Variants in MIA2 observed in about 807,000 individuals in gnomAD.
MIA2 encodes the protein MIA SH3 domain ER export factor 2.
MIA2 carries 127 observed loss-of-function variants against 167.8 expected under a neutral mutation model. The observed-to-expected ratio is 0.76, with a 90% CI of 0.66 to 0.88. The LOEUF is 0.88. Among genes scored for constraint, MIA2 ranks in the 40% least tolerant of loss-of-function variants. The pLI is 0.00. For synonymous variants in MIA2, 552 were observed against 541.9 expected (o/e 1.02, Z -0.26); for missense variants, 1,690 against 1,624.7 (o/e 1.04, Z -0.69).
intron 6 of MIA2, among the ~76,000 whole-genome samples, chr14:39,262,205 A>G (rs2055154893): frequency 6.6e-6 from 1 of 152,200 alleles, no homozygotes; most frequent in African/African-American, 2.4e-5. Flanking sequence ...AGCTTTCTAC[A>G]TATGGCTAGC....
intron 23 of MIA2, chr14:39,370,415 C>T (rs1180052283): frequency 4.2e-6 from 1 of 239,230 alleles, no homozygotes; most frequent in African/African-American, 2.3e-5. Context: ...GTTACAGCCC[C>T]TGACAAACTC....
At chr14:39,347,586 A>G (rs960855147) in intron 26 of MIA2, 127 bp from the exon 27 acceptor site, 2 of 847,422 alleles carry the variant, frequency 2.4e-6, no homozygotes, top group Admixed American at 4.5e-5. Context: ...GCAATATAGG[A>G]TATTGGTGTC....
chr14:39,291,002 A>G lies in MIA2; in HGVS notation c.2131-17A>G. On this transcript the variant is annotated splice_polypyrimidine_tract_variant and intron_variant, in intron 9 of 28. Transcript: ENST00000640607. Reference sequence around the variant, plus strand: ...ACAATTGGTAGAGTTTTTACTTGTGATGTTGCTTTGTTTCAGTATGAAGGC... The same window carrying G: ...ACAATTGGTAGAGTTTTTACTTGTGGTGTTGCTTTGTTTCAGTATGAAGGC... 1 of 1,594,540 alleles carries G rather than the reference A, an allele frequency of 6.3e-7. No individual in the cohort carries two copies. Among genetic ancestry groups the G allele is most frequent in the Non-Finnish European group, 8.5e-7 (1 of 1,170,250 alleles).
At chr14:39,314,651 T>A (rs2065006136) in intron 19 of MIA2, 88 bp from the exon 20 acceptor site, 2 of 619,960 alleles carry the variant, frequency 3.2e-6, no homozygotes, top group Non-Finnish European at 2.4e-6. Flanking sequence ...GCATTCTGGG[T>A]TTTCTAATAA....
chr14:39,283,272 A>G (rs1014433792), intron 9 of MIA2, among the ~76,000 whole-genome samples: 1 of 152,188 alleles, frequency 6.6e-6, no homozygotes, highest in African/African-American at 2.4e-5. Context: ...GGTTTGCTGG[A>G]TATAGTAGCT....
intron 9 of MIA2, among the ~76,000 whole-genome samples, chr14:39,281,281 T>A (rs1423140733): frequency 1.3e-5 from 2 of 151,790 alleles, no homozygotes; most frequent in Admixed American, 6.6e-5. Context: ...GTTTTTGCCC[T>A]TTTTTGTTCT....
chr14:39,326,734 C>T (rs887690191), intron 24 of MIA2, 130 bp from the exon 25 acceptor site: 2 of 677,240 alleles, frequency 3.0e-6, no homozygotes, highest in Admixed American at 4.2e-5. Flanking sequence ...TAGCAATTTA[C>T]TTTCTACACT....
At chr14:39,258,372 G>A (rs984276095) in intron 6 of MIA2, among the ~76,000 whole-genome samples, 11 of 152,066 alleles carry the variant, frequency 7.2e-5, no homozygotes, top group Non-Finnish European at 1.6e-4. Flanking sequence ...CCTCTTGATT[G>A]ATTTAGCTAT....
intron 1 of MIA2, among the ~76,000 whole-genome samples, chr14:39,236,172 G>A (rs1425336010): frequency 6.6e-6 from 1 of 152,080 alleles, no homozygotes; most frequent in Non-Finnish European, 1.5e-5. Flanking sequence ...GACAAGACAG[G>A]TTAAAATGAA....
exon 24 of MIA2, chr14:39,387,083 A>G: frequency 1.6e-6 from 1 of 618,744 alleles, no homozygotes; most frequent in Non-Finnish European, 2.8e-6. Context: ...CCTTGGCCTA[A>G]CTGTCTCGGA....
intron 25 of MIA2, among the ~76,000 whole-genome samples, chr14:39,338,676 A>G (rs1442674133): frequency 6.6e-6 from 1 of 152,222 alleles, no homozygotes; most frequent in Non-Finnish European, 1.5e-5. Context: ...ACTAACCTGC[A>G]ACAAAAATTT....
At chr14:39,300,111 T>G (rs911624246) in intron 14 of MIA2, 125 bp downstream of exon 14, 2 of 1,202,222 alleles carry the variant, frequency 1.7e-6, no homozygotes, top group African/African-American at 3.1e-5. Flanking sequence ...TTTGGCCAGA[T>G]TTTCAAATGT....
At chr14:39,379,097 G>C (rs2075102133) in intron 23 of MIA2, among the ~76,000 whole-genome samples, 1 of 151,728 alleles carries the variant, frequency 6.6e-6, no homozygotes, top group Admixed American at 6.6e-5. Flanking sequence ...TAATCATCTC[G>C]ACCATAAGAT....
intron 12 of MIA2, among the ~76,000 whole-genome samples, chr14:39,294,440 G>A (rs1379292268): frequency 1.3e-5 from 2 of 150,812 alleles, no homozygotes; most frequent in South Asian, 2.1e-4. Flanking sequence ...TCAAGTGATC[G>A]GCCCACCTCG....
chr14:39,236,354 G>A (rs529443394), intron 1 of MIA2, among the ~76,000 whole-genome samples: 57 of 152,224 alleles, frequency 3.7e-4, no homozygotes, highest in African/African-American at 1.3e-3. Context: ...AGAAAGAAAA[G>A]CTCAGAATAA....
intron 22 of MIA2, among the ~76,000 whole-genome samples, chr14:39,318,336 A>G (rs1247099824): frequency 6.6e-6 from 1 of 152,186 alleles, no homozygotes; most frequent in East Asian, 1.9e-4. Context: ...AATGCCCAGA[A>G]TATCAGCCTC....
intron 1 of MIA2, among the ~76,000 whole-genome samples, 158 bp downstream of exon 1, chr14:39,234,387 C>A (rs1361014308): frequency 6.6e-6 from 1 of 152,076 alleles, no homozygotes; most frequent in Non-Finnish European, 1.5e-5. Context: ...ATGTTGGAAG[C>A]AAAGCATTTT....
chr14:39,271,420 C>A (rs2057124588), intron 6 of MIA2, among the ~76,000 whole-genome samples: 1 of 152,038 alleles, frequency 6.6e-6, no homozygotes, highest in East Asian at 1.9e-4. Flanking sequence ...AAGTATGAGT[C>A]CCCCAGCGTT....
chr14:39,266,133 TC>T (rs1319291293), intron 6 of MIA2: 4 of 985,452 alleles, frequency 4.1e-6, no homozygotes, highest in Non-Finnish European at 4.8e-6. Context: ...AAGATTTTGT[TC>T]ATCTATTGAG....
Sources: gnomAD v4.1 joint callset for allele counts (sites outside exome capture counted in the v4.1 genomes callset) on GRCh38, gnomAD v4.1.1 for gene constraint, MANE v1.5 for transcripts, NCBI Gene and HGNC (gene_info 2026-07-23, HGNC 2026-07-21) for gene names.